Variants in NPAS3 observed in about 807,000 individuals in gnomAD.
The protein encoded by NPAS3 is neuronal PAS domain-containing protein 3.
Under a neutral mutation model 73.1 loss-of-function variants are expected in NPAS3, and 14 were observed. The ratio of observed to expected loss-of-function variants is 0.19; its 90% CI spans 0.13 to 0.30. NPAS3 has a LOEUF of 0.30. Ranked by LOEUF, NPAS3 falls within the 10% of genes least tolerant of loss-of-function variation. NPAS3 has a pLI of 1.00. For synonymous variants in NPAS3, 620 were observed against 541.5 expected (o/e 1.14, Z -2.01); for missense variants, 1,096 against 1,250.0 (o/e 0.88, Z 1.86).
In NPAS3 at chr14:33,320,642, A is replaced by G. The variant is rs917615308; in HGVS notation, c.386-46544A>G. On this transcript the variant is annotated intron_variant, in intron 3 of 11. Coordinates refer to ENST00000356141, the Ensembl canonical transcript of NPAS3. Reference sequence around the variant, plus strand: ...GATGGCATGCTGAGTGAGGACAGGAACCATGATGTTTACACCTGTGTCACC... The same window carrying G: ...GATGGCATGCTGAGTGAGGACAGGAGCCATGATGTTTACACCTGTGTCACC... Among the ~76,000 whole-genome samples, 30 of 152,130 alleles carry G rather than the reference A, an allele frequency of 2.0e-4. 1 individual carries two copies. The highest frequency in any genetic ancestry group is 7.2e-4 in the African/African-American group (30 of 41,424).
At chr14:33,686,868 A>T (rs984360438) in intron 6 of NPAS3, among the ~76,000 whole-genome samples, 1 of 152,168 alleles carries the variant, frequency 6.6e-6, no homozygotes, top group Non-Finnish European at 1.5e-5. Context: ...AGTCTTCCCT[A>T]TAACATAGGA....
At chr14:33,479,467 CTG>C (rs2139690058) in intron 4 of NPAS3, among the ~76,000 whole-genome samples, 1 of 152,270 alleles carries the variant, frequency 6.6e-6, no homozygotes, top group Non-Finnish European at 1.5e-5. Context: ...ACTTGTCACT[CTG>C]TCACATCATT....
chr14:33,195,078 C>T (rs9322920), intron 2 of NPAS3, among the ~76,000 whole-genome samples: 69,480 of 151,672 alleles, frequency 0.46, 16,943 homozygotes, highest in Non-Finnish European at 0.54. Flanking sequence ...CTTGATGTCA[C>T]ACAGCAACCA....
chr14:33,184,421 G>A (rs921177236), intron 2 of NPAS3, among the ~76,000 whole-genome samples: 2 of 152,194 alleles, frequency 1.3e-5, no homozygotes, highest in South Asian at 2.1e-4. Flanking sequence ...TGGTTCATAC[G>A]AGGCCTTTAC....
chr14:32,963,751 G>A (rs1435525119), intron 1 of NPAS3, among the ~76,000 whole-genome samples: 1 of 152,144 alleles, frequency 6.6e-6, no homozygotes, highest in Non-Finnish European at 1.5e-5. Context: ...GAACTTAGTA[G>A]ATGATTCAAT....
intron 3 of NPAS3, among the ~76,000 whole-genome samples, chr14:33,289,552 G>A (rs755287152): frequency 7.2e-5 from 11 of 152,230 alleles, no homozygotes; most frequent in South Asian, 4.2e-4. Context: ...CAGGTGCGGC[G>A]GCTCATGCCT....
intron 5 of NPAS3, among the ~76,000 whole-genome samples, chr14:33,658,531 T>G (rs1595377392): frequency 6.6e-6 from 1 of 152,166 alleles, no homozygotes; most frequent in South Asian, 2.1e-4. Flanking sequence ...GCTAAACCTT[T>G]GGGAATGACC....
intron 2 of NPAS3, among the ~76,000 whole-genome samples, chr14:33,213,203 C>T (rs923294187): frequency 1.3e-5 from 2 of 150,672 alleles, no homozygotes; most frequent in African/African-American, 4.9e-5. Context: ...TTCGTAACCC[C>T]TGCTCTAGAG....
intron 6 of NPAS3, among the ~76,000 whole-genome samples, chr14:33,697,497 G>T (rs1054086688): frequency 1.3e-5 from 2 of 152,130 alleles, no homozygotes; most frequent in Non-Finnish European, 2.9e-5. Context: ...AAAGTTGGGG[G>T]CAATGTGTTT....
At chr14:33,761,697 A>G (rs2062296462) in intron 7 of NPAS3, among the ~76,000 whole-genome samples, 1 of 152,210 alleles carries the variant, frequency 6.6e-6, no homozygotes, top group Admixed American at 6.5e-5. Flanking sequence ...TTGAATCCTT[A>G]CCATAAAATA....
chr14:33,303,089 T>C (rs1485459885), intron 3 of NPAS3, among the ~76,000 whole-genome samples: 1 of 152,166 alleles, frequency 6.6e-6, no homozygotes, highest in Admixed American at 6.5e-5. Context: ...ATCAGGACTT[T>C]ATATATAACT....
intron 2 of NPAS3, among the ~76,000 whole-genome samples, chr14:33,068,949 G>T (rs149754980): frequency 2.0e-5 from 3 of 152,096 alleles, no homozygotes; most frequent in African/African-American, 7.2e-5. Context: ...GGATGCTGGC[G>T]GGCCAGGGAG....
rs1318680248 is a variant in NPAS3, at chr14:32,952,308, CG to C, written c.50+12943del. ...AATGTTATAATGTGTACTAGACTTC[CG>C]TAACTCCTTTTTCCCCCTCATCACT... On this transcript the variant is annotated intron_variant, in intron 1 of 11. Coordinates refer to ENST00000356141, the Ensembl canonical transcript of NPAS3. Among the ~76,000 whole-genome samples the C allele has an allele frequency of 2.0e-5, 3 of 152,190 alleles. No homozygotes were observed. The East Asian group carries it at 5.8e-4, about 29-fold the overall frequency.
At chr14:33,012,820 G>T (rs2039258813) in intron 1 of NPAS3, among the ~76,000 whole-genome samples, 1 of 152,138 alleles carries the variant, frequency 6.6e-6, no homozygotes, top group Non-Finnish European at 1.5e-5. Context: ...AAAGTGCTAG[G>T]ATTACAGGCG....
At chr14:33,464,135 C>T (rs951607512) in intron 4 of NPAS3, among the ~76,000 whole-genome samples, 1 of 152,126 alleles carries the variant, frequency 6.6e-6, no homozygotes, top group African/African-American at 2.4e-5. Context: ...TTATATCTGT[C>T]ACACATGAGA....
intron 4 of NPAS3, among the ~76,000 whole-genome samples, chr14:33,471,833 C>A (rs958031641): frequency 6.6e-6 from 1 of 152,176 alleles, no homozygotes; most frequent in Admixed American, 6.5e-5. Context: ...AGGCAAGCGG[C>A]GAGCGAGAGA....
At chr14:32,996,997 G>A (rs1047322154) in intron 1 of NPAS3, among the ~76,000 whole-genome samples, 3 of 152,168 alleles carry the variant, frequency 2.0e-5, no homozygotes, top group Non-Finnish European at 4.4e-5. Context: ...TAGGAGGGAG[G>A]CTGTACCCTG....
intron 7 of NPAS3, among the ~76,000 whole-genome samples, chr14:33,764,499 A>T (rs1213342461): frequency 6.6e-6 from 1 of 152,236 alleles, no homozygotes; most frequent in Non-Finnish European, 1.5e-5. Flanking sequence ...AAATGCATCA[A>T]TGTAGTACAG....
At chr14:33,396,232 GCCATTGCTGAATCA>G (rs2047217353) in intron 4 of NPAS3, among the ~76,000 whole-genome samples, 1 of 152,134 alleles carries the variant, frequency 6.6e-6, no homozygotes, top group Non-Finnish European at 1.5e-5. Context: ...AAACATCACA[GCCATTGCTGAATCA>G]AGTACAAGAT....
Sources: gnomAD v4.1 joint callset for allele counts (sites outside exome capture counted in the v4.1 genomes callset) on GRCh38, gnomAD v4.1.1 for gene constraint, MANE v1.5 for transcripts, NCBI Gene and HGNC (gene_info 2026-07-23, HGNC 2026-07-21) for gene names.